Variants in SCAF4 observed in about 807,000 individuals in gnomAD.
SCAF4 encodes SR-related and CTD-associated factor 4.
In SCAF4, 25 loss-of-function variants were observed where a neutral mutation model predicts 129.8. The ratio of observed to expected loss-of-function variants is 0.19; its 90% CI spans 0.14 to 0.27. The LOEUF (loss-of-function observed/expected upper bound fraction) is 0.27, where lower values mean the gene tolerates loss of function less well. Among genes scored for constraint, SCAF4 ranks in the 10% least tolerant of loss-of-function variants. The pLI is 1.00. For missense variants in SCAF4, 1,246 were observed against 1,457.1 expected, an observed-to-expected ratio of 0.86 and a Z score of 2.36; for synonymous variants, 551 against 497.7, an observed-to-expected ratio of 1.11 and a Z score of -1.43.
At chr21:31,698,914 G>GA (rs764549041) in intron 7 of SCAF4, among the ~76,000 whole-genome samples, 3 of 152,148 alleles carry the variant, frequency 2.0e-5, no homozygotes, top group Non-Finnish European at 4.4e-5. Flanking sequence ...TTTCATTCAA[G>GA]AATCTAGATA....
chr21:31,679,340 T>G (rs984763643), intron 19 of SCAF4, among the ~76,000 whole-genome samples: 1 of 139,462 alleles, frequency 7.2e-6, no homozygotes, highest in African/African-American at 2.5e-5. Context: ...TATCCCTAGG[T>G]TTTTTTTTTA....
At chr21:31,726,049 CTT>C (rs899443141) in intron 1 of SCAF4, among the ~76,000 whole-genome samples, 8 of 142,342 alleles carry the variant, frequency 5.6e-5, no homozygotes, top group Admixed American at 7.0e-5. Flanking sequence ...TGGCCCTTAA[CTT>C]TTTTTTTTTT....
intron 1 of SCAF4, among the ~76,000 whole-genome samples, chr21:31,710,913 G>A (rs933488427): frequency 6.6e-6 from 1 of 152,136 alleles, no homozygotes; most frequent in Admixed American, 6.5e-5. Flanking sequence ...TGAGTGTTTC[G>A]TATATAAAAA....
At chr21:31,690,198 T>C (rs1385765448) in intron 15 of SCAF4, among the ~76,000 whole-genome samples, 1 of 152,050 alleles carries the variant, frequency 6.6e-6, no homozygotes, top group East Asian at 1.9e-4. Context: ...TAAAACCCAA[T>C]ACCAGGCCAG....
Position 31,688,292 on chromosome 21 carries a change from T to C in SCAF4, c.2043+15A>G, listed in dbSNP as rs772317724. 7 of 1,606,908 alleles carry C rather than the reference T, an allele frequency of 4.4e-6. No homozygotes were observed. In the South Asian group the frequency reaches 6.7e-5, roughly 15 times the overall value. On this transcript the variant is annotated intron_variant, in intron 16 of 19. Coordinates refer to ENST00000286835, the MANE Select transcript of SCAF4 (RefSeq NM_020706.2). ...TCAGGCACTTAAAGTTTAAGTCATG[T>C]CCCAATATTCTCACCTGTGGAGGTG... is the stretch of plus-strand genomic sequence containing the variant.
rs2050076265 is a variant in SCAF4 at position 31,684,851 on chromosome 21, C to G, written c.2488+198G>C. 1.1e-5 allele frequency: 6 copies of G among 566,512 alleles called. 1 individual carries two copies. In the South Asian group the frequency reaches 1.3e-4, roughly 12 times the overall value. 35.1% of individuals were successfully genotyped at this position (566,512 alleles called of 1,614,324 possible). A position where few individuals can be genotyped will look rare whatever the true frequency, so the allele number is the denominator to read the frequency against. On this transcript the variant is annotated intron_variant, in intron 19 of 19. Transcript: ENST00000286835. ...TTTGAGATTCTCTCTTGGTAAAGAT[C>G]AAGTACACATATTTGACTTTAAGAG... is the stretch of plus-strand genomic sequence containing the variant.
At chr21:31,686,270 T>TA (rs1214507163) in intron 16 of SCAF4, among the ~76,000 whole-genome samples, 1 of 151,940 alleles carries the variant, frequency 6.6e-6, no homozygotes, top group East Asian at 1.9e-4. Flanking sequence ...CTCTTCACTT[T>TA]ATGACAGCAA....
rs141552507 is a variant in SCAF4 at position 31,680,368 on chromosome 21, T to C, written c.2488+4681A>G. Among the ~76,000 whole-genome samples, 43 of 152,314 alleles carry C rather than the reference T, an allele frequency of 2.8e-4. No individual in the cohort carries two copies. In the East Asian group the frequency reaches 7.5e-3, roughly 27 times the overall value. On this transcript the variant is annotated intron_variant, in intron 19 of 19. Coordinates refer to ENST00000286835, the MANE Select transcript of SCAF4 (RefSeq NM_020706.2). Reference sequence around the variant, plus strand: ...TCACTATTTTGCATTATCCACTGTATCCAATGAACAAGGTTATATACTAAG... The same window carrying C: ...TCACTATTTTGCATTATCCACTGTACCCAATGAACAAGGTTATATACTAAG...
intron 1 of SCAF4, among the ~76,000 whole-genome samples, chr21:31,730,610 A>G (rs1228716861): frequency 6.6e-6 from 1 of 152,232 alleles, no homozygotes; most frequent in Non-Finnish European, 1.5e-5. Flanking sequence ...TTGATTTTTC[A>G]ATGTTGCTTT....
chr21:31,709,870 G>C (rs1241478335), intron 1 of SCAF4, among the ~76,000 whole-genome samples: 3 of 149,144 alleles, frequency 2.0e-5, no homozygotes, highest in Non-Finnish European at 4.4e-5. Flanking sequence ...AAAAAAAAAA[G>C]GGTCATATCT....
At chr21:31,715,624 T>G (rs2050904498) in intron 1 of SCAF4, among the ~76,000 whole-genome samples, 1 of 152,176 alleles carries the variant, frequency 6.6e-6, no homozygotes, top group Non-Finnish European at 1.5e-5. Context: ...ATTTAGCAAG[T>G]CTAGAAGTGA....
chr21:31,678,011 G>A (rs773716153), intron 19 of SCAF4, among the ~76,000 whole-genome samples: 5 of 152,142 alleles, frequency 3.3e-5, no homozygotes, highest in Non-Finnish European at 7.3e-5. Flanking sequence ...GCTGCCAAAT[G>A]CTGAAGAATT....
chr21:31,700,741 CTTTTTT>C (rs79606547), intron 7 of SCAF4: 10 of 290,154 alleles, frequency 3.4e-5, no homozygotes, highest in African/African-American at 1.5e-4. Flanking sequence ...CTAACTTTTT[CTTTTTT>C]TTTTTTTTTT....
intron 1 of SCAF4, among the ~76,000 whole-genome samples, chr21:31,708,073 C>T (rs1176740181): frequency 1.3e-5 from 2 of 151,786 alleles, no homozygotes; most frequent in Non-Finnish European, 2.9e-5. Context: ...AAAACGCTCA[C>T]TAACTGAAAG....
At chr21:31,672,765 A>C (rs1279517256) in intron 19 of SCAF4, among the ~76,000 whole-genome samples, 1 of 152,194 alleles carries the variant, frequency 6.6e-6, no homozygotes, top group East Asian at 1.9e-4. Flanking sequence ...GCAGGTGCAC[A>C]CTTAGAAAAT....
At chr21:31,705,375 T>C (rs1369448282) in intron 3 of SCAF4, 48 bp downstream of exon 3, 2 of 897,940 alleles carry the variant, frequency 2.2e-6, no homozygotes, top group East Asian at 2.8e-5. Context: ...CAAAGTAAAT[T>C]ACAAATCATA....
At chr21:31,674,744 G>C (rs576661631) in intron 19 of SCAF4, among the ~76,000 whole-genome samples, 75 of 152,242 alleles carry the variant, frequency 4.9e-4, no homozygotes, top group Middle Eastern at 3.4e-3. Flanking sequence ...ATTTCATTTG[G>C]AAATATGACG....
chr21:31,704,338 G>A (rs1347363994), intron 3 of SCAF4, among the ~76,000 whole-genome samples: 2 of 151,926 alleles, frequency 1.3e-5, no homozygotes, highest in African/African-American at 4.8e-5. Context: ...TTCTATTACA[G>A]TACCAAATAA....
rs544305940 is a variant in SCAF4, at chr21:31,698,909, T to C, written c.777+2086A>G. Among the ~76,000 whole-genome samples, 16 of 152,332 alleles carry C rather than the reference T, an allele frequency of 1.1e-4. No homozygotes were observed. In the South Asian group the frequency reaches 3.3e-3, roughly 32 times the overall value. On this transcript the variant is annotated intron_variant, in intron 7 of 19. Transcript: ENST00000286835. Reference sequence around the variant, plus strand: ...TTTCTTAAGATAAATCTATCTTTCATTCAAGAATCTAGATAGACAGATGCA... The same window carrying C: ...TTTCTTAAGATAAATCTATCTTTCACTCAAGAATCTAGATAGACAGATGCA...
Sources: gnomAD v4.1 joint callset for allele counts (sites outside exome capture counted in the v4.1 genomes callset) on GRCh38, gnomAD v4.1.1 for gene constraint, MANE v1.5 for transcripts, NCBI Gene and HGNC (gene_info 2026-07-23, HGNC 2026-07-21) for gene names.